YJU2B: variants seen among roughly 807,000 people sequenced by gnomAD.
YJU2B encodes probable splicing factor YJU2B.
YJU2B carries 18 observed loss-of-function variants against 38.0 expected under a neutral mutation model. That is an observed-to-expected ratio of 0.47 (90% CI 0.33 to 0.70). The LOEUF is 0.70. Ranked by LOEUF, YJU2B falls within the 30% of genes least tolerant of loss-of-function variation. The pLI is 0.02. For missense variants in YJU2B, 538 were observed against 556.3 expected, an observed-to-expected ratio of 0.97 and a Z score of 0.33; for synonymous variants, 246 against 225.4, an observed-to-expected ratio of 1.09 and a Z score of -0.82.
At position 13,762,737 on chromosome 19, in the gene YJU2B, C is replaced by T; in HGVS notation, c.860C>T (p.Pro287Leu). The T allele has an allele frequency of 6.2e-7, 1 of 1,608,858 alleles. No homozygotes were observed. The highest frequency in any genetic ancestry group is 8.5e-7 in the Non-Finnish European group (1 of 1,179,334). ...CGCAGAACCGCGCTTGCCACCTCCCCCATCACCGTCGGGGACCTGGGCATC... is the reference window on the plus strand; with the variant it reads ...CGCAGAACCGCGCTTGCCACCTCCCTCATCACCGTCGGGGACCTGGGCATC... ...QSRRTALATS[P>L]ITVGDLGIVR... Residue 287 changes from proline (P) to leucine (L), a missense_variant, in exon 10 of 10, where the codon CCC (proline) becomes CTC (leucine). Pro to Leu is a moderately conservative substitution (Grantham distance 98). Around this residue, in one of 2 missense-constraint regions of YJU2B, gnomAD observed 488 missense variants for 469.5 expected, o/e 1.04. Coordinates refer to ENST00000221554, the MANE Select transcript of YJU2B (RefSeq NM_030818.4).
chr19:13,734,013 C>T (rs1014367174), intron 2 of YJU2B, among the ~76,000 whole-genome samples: 15 of 152,100 alleles, frequency 9.9e-5, no homozygotes, highest in Non-Finnish European at 1.0e-4. Context: ...CTGTAGCCTC[C>T]AACTCCTGAG....
Position 13,733,460 on chromosome 19 carries a change from G to A in YJU2B, c.-202+1175G>A, listed in dbSNP as rs373918778. Among the ~76,000 whole-genome samples, 401 of 151,926 alleles carry A rather than the reference G, an allele frequency of 2.6e-3. 7 individuals are homozygous for A. Among genetic ancestry groups the A allele is most frequent in the African/African-American group, 9.2e-3 (381 of 41,476 alleles). Reference sequence around the variant, plus strand: ...GCCATAGCCAGGCACGGTGGCTGACGCCTGTAATCCCAGCACTTTGGGAGG... The same window carrying A: ...GCCATAGCCAGGCACGGTGGCTGACACCTGTAATCCCAGCACTTTGGGAGG... On this transcript the variant is annotated intron_variant, in intron 2 of 10. Coordinates refer to the YJU2B transcript ENST00000586600.
rs1247087291 is a variant in YJU2B at position 13,762,998 on chromosome 19, C to T, written c.1121C>T (p.Pro374Leu). The change falls in exon 10 of 10, where the codon CCC (proline) becomes CTC (leucine). Residue 374 changes from proline (P) to leucine (L), a missense_variant. Pro to Leu is a moderately conservative substitution (Grantham distance 98). Transcript: ENST00000221554. ...AGSSQEAADTPDTRHPCSLGS... is the reference protein window; with the variant it reads ...AGSSQEAADTLDTRHPCSLGS... ...TCCTCCCAGGAGGCAGCTGACACCC[C>T]CGACACGCGGCACCCCTGCAGTCTC... 1 of 1,606,174 alleles carries T rather than the reference C, an allele frequency of 6.2e-7. No individual in the cohort carries two copies. Among genetic ancestry groups the T allele is most frequent in the Non-Finnish European group, 8.5e-7 (1 of 1,176,166 alleles).
Position 13,758,957 on chromosome 19 carries a change from A to G in YJU2B, c.347A>G (p.Gln116Arg), listed in dbSNP as rs1467659942. 1 of 1,614,024 alleles carries G rather than the reference A, an allele frequency of 6.2e-7. No homozygotes were observed. The highest frequency in any genetic ancestry group is 1.1e-5 in the South Asian group (1 of 91,074). The stretch of plus-strand genomic sequence containing the variant: ...GACTACGTGATCGTGAGTGGCGCCC[A>G]GCGCAAGGAGGAGCGCTGGGACATG... ...NCDYVIVSGA[Q>R]RKEERWDMAD... The change falls in exon 7 of 10, where the codon CAG becomes CGG. Residue 116 changes from glutamine (Q) to arginine (R), a missense_variant. By Grantham distance (43) the Gln-to-Arg change is conservative. Coordinates refer to ENST00000221554, the MANE Select transcript of YJU2B (RefSeq NM_030818.4).
At chr19:13,740,694 G>A (rs981496027) in intron 2 of YJU2B, among the ~76,000 whole-genome samples, 15 of 152,076 alleles carry the variant, frequency 9.9e-5, no homozygotes, top group Non-Finnish European at 1.0e-4. Context: ...GCGCCACCAC[G>A]CCCGGCTAAT....
At chr19:13,746,677 C>T (rs1568281869), upstream of YJU2B, among the ~76,000 whole-genome samples, 1 of 152,186 alleles carries the variant, frequency 6.6e-6, no homozygotes, top group Non-Finnish European at 1.5e-5. Context: ...AAGGCCAAGG[C>T]AGGCAGATCA....
exon 1 of YJU2B, chr19:13,731,806 C>G (rs1406029627): frequency 6.6e-6 from 1 of 152,256 alleles, no homozygotes; most frequent in Non-Finnish European, 1.5e-5. Context: ...AACCCGCTTC[C>G]AGGGTCCTCG....
At chr19:13,745,684 TAG>T (rs1233271322), upstream of YJU2B, among the ~76,000 whole-genome samples, 12 of 98,014 alleles carry the variant, frequency 1.2e-4, no homozygotes, top group African/African-American at 4.8e-4. Context: ...GATAGATAGA[TAG>T]ATAGATATAG....
At chr19:13,752,989 T>C (rs919051007) in intron 2 of YJU2B, among the ~76,000 whole-genome samples, 2 of 152,048 alleles carry the variant, frequency 1.3e-5, no homozygotes, top group African/African-American at 4.8e-5. Context: ...TGTTCAACGG[T>C]ACTACATGTG....
At chr19:13,760,310 G>A (rs1169125457) in intron 8 of YJU2B, among the ~76,000 whole-genome samples, 3 of 152,194 alleles carry the variant, frequency 2.0e-5, no homozygotes, top group East Asian at 3.9e-4. Context: ...TGTCTGGTGA[G>A]GGCCCATTTC....
At chr19:13,741,077 A>G (rs1382402373) in intron 2 of YJU2B, among the ~76,000 whole-genome samples, 1 of 151,638 alleles carries the variant, frequency 6.6e-6, no homozygotes, top group East Asian at 1.9e-4. Context: ...AAAACCAGGT[A>G]GGCTTTAATT....
chr19:13,754,461 A>T (rs435207), intron 3 of YJU2B, 119 bp downstream of exon 3: 426,933 of 807,648 alleles, frequency 0.53, 115,496 homozygotes, highest in African/African-American at 0.75. Context: ...TGTCTTCTGC[A>T]TGTCACCTGA....
intron 2 of YJU2B, among the ~76,000 whole-genome samples, chr19:13,737,060 C>T (rs1373966094): frequency 6.6e-6 from 1 of 151,782 alleles, no homozygotes; most frequent in East Asian, 1.9e-4. Context: ...GAGGGTCTCG[C>T]TCTGTCACCC....
upstream of YJU2B, among the ~76,000 whole-genome samples, chr19:13,743,597 G>GAAAAAC (rs1973151750): frequency 7.3e-6 from 1 of 136,796 alleles, no homozygotes; most frequent in African/African-American, 2.8e-5. Flanking sequence ...AAAAGAAAAA[G>GAAAAAC]AAAAAAATAG....
intron 2 of YJU2B, 39 bp downstream of exon 2, chr19:13,751,850 A>G (rs758680333): frequency 6.2e-7 from 1 of 1,609,746 alleles, no homozygotes; most frequent in African/African-American, 1.3e-5. Context: ...TTTCTCTCCC[A>G]GTCTTTGTAG....
At chr19:13,750,852 C>T (rs368285587) in intron 1 of YJU2B, among the ~76,000 whole-genome samples, 17 of 132,032 alleles carry the variant, frequency 1.3e-4, no homozygotes, top group African/African-American at 3.5e-4. Flanking sequence ...AGTGAGACTC[C>T]GTCTCAAAAA....
intron 2 of YJU2B, among the ~76,000 whole-genome samples, chr19:13,735,345 G>A (rs528311910): frequency 6.6e-6 from 1 of 152,128 alleles, no homozygotes; most frequent in Non-Finnish European, 1.5e-5. Flanking sequence ...TCTGTTGCCA[G>A]TTCTACCATT....
At chr19:13,734,954 G>A (rs1228350730) in intron 2 of YJU2B, among the ~76,000 whole-genome samples, 2 of 152,156 alleles carry the variant, frequency 1.3e-5, no homozygotes, top group Non-Finnish European at 2.9e-5. Flanking sequence ...GACCCAGTTG[G>A]ATTATATGAA....
At chr19:13,753,668 G>A (rs2145140965) in intron 2 of YJU2B, among the ~76,000 whole-genome samples, 1 of 152,112 alleles carries the variant, frequency 6.6e-6, no homozygotes, top group South Asian at 2.1e-4. Context: ...CATGGCTGGG[G>A]AGGCCTCAGG....
Sources: gnomAD v4.1 joint callset for allele counts (sites outside exome capture counted in the v4.1 genomes callset) on GRCh38, gnomAD v4.1.1 for gene constraint, gnomAD v4.1.1 regional missense constraint, MANE v1.5 for transcripts, NCBI Gene and HGNC (gene_info 2026-07-23, HGNC 2026-07-21) for gene names.